The following DIP2C variants were observed in gnomAD, a reference collection of about 807,000 sequenced individuals.
The protein encoded by DIP2C is disco-interacting protein 2 homolog C.
DIP2C carries 33 observed loss-of-function variants against 192.4 expected under a neutral mutation model. The observed-to-expected ratio is 0.17, with a 90% CI of 0.13 to 0.23. The LOEUF (loss-of-function observed/expected upper bound fraction) is 0.23, where lower values mean the gene tolerates loss of function less well. DIP2C is among the 10% of genes least tolerant of loss of function. The pLI, the probability that DIP2C is intolerant of heterozygous loss-of-function variation, is 1.00. For synonymous variants in DIP2C, 979 were observed against 864.1 expected, an observed-to-expected ratio of 1.13 and a Z score of -2.33; for missense variants, 1,537 against 2,110.1, an observed-to-expected ratio of 0.73 and a Z score of 5.32.
At chr10:580,496 G>T (rs997009413) in intron 1 of DIP2C, among the ~76,000 whole-genome samples, 1 of 152,100 alleles carries the variant, frequency 6.6e-6, no homozygotes, top group Admixed American at 6.6e-5. Flanking sequence ...AAATAGTGTG[G>T]ATATAATAGT....
chr10:673,855 A>G (rs1830758284), intron 1 of DIP2C, among the ~76,000 whole-genome samples: 1 of 152,226 alleles, frequency 6.6e-6, no homozygotes, highest in South Asian at 2.1e-4. Context: ...GAAACAGAAA[A>G]TGAGGCATGA....
In DIP2C at chr10:418,112, TCGGAGC is replaced by T; in HGVS notation, c.739+947_739+952del. On this transcript the variant is annotated intron_variant, in intron 6 of 36. Coordinates refer to ENST00000280886, the MANE Select transcript of DIP2C (RefSeq NM_014974.3). ...TCAGATAGGCATCCCCGTCCACCTG[TCGGAGC>T]TCGGATAGGCCTCCCTGTCCACCTG... Among the ~76,000 whole-genome samples, 4 of 10,330 alleles carry T rather than the reference TCGGAGC, an allele frequency of 3.9e-4. 2 individuals carry two copies. The highest frequency in any genetic ancestry group is 1.5e-3 in the African/African-American group (4 of 2,638). 6.8% of individuals were successfully genotyped at this position (10,330 alleles called of 152,430 possible).
chr10:428,881 C>T (rs1479405495), intron 4 of DIP2C, among the ~76,000 whole-genome samples: 1 of 152,088 alleles, frequency 6.6e-6, no homozygotes, highest in African/African-American at 2.4e-5. Flanking sequence ...CTTCCTTCTC[C>T]AACCTGTTAA....
chr10:364,006 C>T (rs372700998), intron 20 of DIP2C, among the ~76,000 whole-genome samples: 1 of 152,230 alleles, frequency 6.6e-6, no homozygotes, highest in Non-Finnish European at 1.5e-5. Flanking sequence ...CGAGCGTCTG[C>T]ACTCACACAA....
chr10:356,618 T>C, intron 23 of DIP2C, 112 bp from the exon 24 acceptor site: 2 of 804,030 alleles, frequency 2.5e-6, no homozygotes, highest in Non-Finnish European at 2.0e-6. Context: ...GCTTTGGGTC[T>C]TAAAACCGCA....
At chr10:617,256 T>G (rs1853533452) in intron 1 of DIP2C, among the ~76,000 whole-genome samples, 1 of 140,080 alleles carries the variant, frequency 7.1e-6, no homozygotes, top group African/African-American at 2.6e-5. Context: ...CTCTACAAAC[T>G]TGGGGGACTG....
chr10:294,561 T>G (rs1955655298), intron 32 of DIP2C, among the ~76,000 whole-genome samples: 1 of 149,174 alleles, frequency 6.7e-6, no homozygotes, highest in African/African-American at 2.5e-5. Context: ...GCCACTGCAC[T>G]CCAGCCTGGG....
chr10:556,012 T>G (rs1848836722), intron 1 of DIP2C, among the ~76,000 whole-genome samples: 2 of 152,012 alleles, frequency 1.3e-5, no homozygotes, highest in African/African-American at 2.4e-5. Context: ...GAAATCCTGT[T>G]ACAGTCCAGT....
At chr10:357,742 G>A (rs1343325862) in intron 23 of DIP2C, 86 bp downstream of exon 23, 58 of 976,106 alleles carry the variant, frequency 5.9e-5, no homozygotes, top group Non-Finnish European at 6.8e-5. Context: ...GGGGACAGTC[G>A]GGTACTGTCG....
chr10:650,081 G>A (rs757631925), intron 1 of DIP2C: 5 of 715,270 alleles, frequency 7.0e-6, no homozygotes, highest in South Asian at 3.0e-5. Flanking sequence ...AGTTCCAGGA[G>A]AGAAAATAGC....
chr10:677,490 G>A (rs1421802111), intron 1 of DIP2C, among the ~76,000 whole-genome samples: 1 of 152,182 alleles, frequency 6.6e-6, no homozygotes, highest in Non-Finnish European at 1.5e-5. Flanking sequence ...AAGAGAAAAT[G>A]TGTTGAAAGC....
chr10:488,831 T>C (rs1844213858), intron 1 of DIP2C, among the ~76,000 whole-genome samples: 1 of 152,156 alleles, frequency 6.6e-6, no homozygotes. Flanking sequence ...CAATGTCCCA[T>C]AGAACTGTGC....
chr10:360,517 C>T (rs1959340600), intron 22 of DIP2C, among the ~76,000 whole-genome samples: 1 of 152,200 alleles, frequency 6.6e-6, no homozygotes, highest in Non-Finnish European at 1.5e-5. Context: ...GGCGAATTCG[C>T]TCAGGGCACA....
At chr10:398,840 A>T (rs540112722) in intron 10 of DIP2C, among the ~76,000 whole-genome samples, 87 of 152,218 alleles carry the variant, frequency 5.7e-4, no homozygotes, top group Middle Eastern at 3.4e-3. Flanking sequence ...TCTAGTGCAC[A>T]TGACACCAAG....
At chr10:620,785 A>G (rs1853804404) in intron 1 of DIP2C, among the ~76,000 whole-genome samples, 1 of 152,134 alleles carries the variant, frequency 6.6e-6, no homozygotes, top group African/African-American at 2.4e-5. Flanking sequence ...GTTATCCCCA[A>G]CCCTGCTTTG....
At chr10:623,040 T>C (rs985428626) in intron 1 of DIP2C, among the ~76,000 whole-genome samples, 1 of 152,248 alleles carries the variant, frequency 6.6e-6, no homozygotes, top group Non-Finnish European at 1.5e-5. Flanking sequence ...GAGGAATGAT[T>C]CTGTGTTGGA....
At position 620,327 on chromosome 10, in the gene DIP2C, C is replaced by T. The variant is rs143251878; in HGVS notation, c.85+69167G>A. 3.0e-3 allele frequency among the ~76,000 whole-genome samples: 463 copies of T among 152,198 alleles called. 3 individuals carry two copies. Among genetic ancestry groups the T allele is most frequent in the African/African-American group, 0.011 (447 of 41,522 alleles). Reference sequence around the variant, plus strand: ...GTTTGGAAGGCGCCTTATCATTAAACGTTTCACAAGCAAGCAGTCAGAGGC... The same window carrying T: ...GTTTGGAAGGCGCCTTATCATTAAATGTTTCACAAGCAAGCAGTCAGAGGC... On this transcript the variant is annotated intron_variant, in intron 1 of 36. Coordinates refer to ENST00000280886, the MANE Select transcript of DIP2C (RefSeq NM_014974.3).
rs1047716539 is a variant in DIP2C at position 274,441 on chromosome 10, C to G, written c.*2884G>C. The stretch of plus-strand genomic sequence containing the variant: ...TGTCCCAGACATCTTTCCAGGGGAC[C>G]AATTAAGAAACTGCTATTTTCAGAG... On this transcript the variant is annotated 3_prime_UTR_variant, in exon 37 of 37. Transcript: ENST00000280886. 6.6e-6 allele frequency: 1 copy of G among 152,124 alleles called. No homozygotes were observed. The highest frequency in any genetic ancestry group is 2.4e-5 in the African/African-American group (1 of 41,428). 9.4% of individuals were successfully genotyped at this position (152,124 alleles called of 1,614,324 possible). A position where few individuals can be genotyped will look rare whatever the true frequency, so the allele number is the denominator to read the frequency against.
intron 22 of DIP2C, among the ~76,000 whole-genome samples, chr10:361,850 C>T (rs1444658025): frequency 3.3e-5 from 5 of 152,232 alleles, no homozygotes; most frequent in Middle Eastern, 3.4e-3. Context: ...CAACAGAAGG[C>T]CACGCACCCA....
Sources: allele counts gnomAD v4.1 joint callset (sites outside exome capture counted in the v4.1 genomes callset), GRCh38; gene constraint gnomAD v4.1.1; transcripts MANE v1.5; gene names NCBI Gene and HGNC (gene_info 2026-07-23, HGNC 2026-07-21).